GALNTL6: variants seen among roughly 807,000 people sequenced by gnomAD.
The protein encoded by GALNTL6 is polypeptide N-acetylgalactosaminyltransferase-like 6.
In GALNTL6, 46 loss-of-function variants were observed where a neutral mutation model predicts 73.7. The observed-to-expected ratio is 0.62, with a 90% CI of 0.49 to 0.80. The LOEUF (loss-of-function observed/expected upper bound fraction) is 0.80. GALNTL6 is among the 30% of genes least tolerant of loss of function. The pLI is 0.00. For missense variants in GALNTL6, 604 were observed against 755.0 expected (o/e 0.80, Z 2.34); for synonymous variants, 259 against 263.7 (o/e 0.98, Z 0.17).
Position 172,813,531 on chromosome 4 carries a change from A to T in GALNTL6, c.740-9A>T. The T allele has an allele frequency of 6.3e-7, 1 of 1,585,498 alleles. No homozygotes were observed. Among genetic ancestry groups the T allele is most frequent in the Non-Finnish European group, 8.6e-7 (1 of 1,158,212 alleles). ...ATGTCATTTCCTATTTTGTGCTTTCATTTTTCAGACCAAATTGCACTAAAC... is the reference window on the plus strand; with the variant it reads ...ATGTCATTTCCTATTTTGTGCTTTCTTTTTTCAGACCAAATTGCACTAAAC... On this transcript the variant is annotated splice_polypyrimidine_tract_variant and intron_variant, in intron 6 of 12. Transcript: ENST00000506823.
chr4:172,733,002 T>C (rs1250556051), intron 5 of GALNTL6, among the ~76,000 whole-genome samples: 2 of 152,236 alleles, frequency 1.3e-5, no homozygotes, highest in Admixed American at 1.3e-4. Context: ...ACACCACAAA[T>C]GCATACTCTG....
At chr4:172,607,442 G>T (rs1212841043) in intron 5 of GALNTL6, among the ~76,000 whole-genome samples, 1 of 152,144 alleles carries the variant, frequency 6.6e-6, no homozygotes, top group East Asian at 1.9e-4. Flanking sequence ...ATGGCCCCCA[G>T]CTGCATCCAG....
rs189044985 is a variant in GALNTL6, at chr4:172,670,599, T to C, written c.554-138762T>C. Among the ~76,000 whole-genome samples the C allele has an allele frequency of 1.9e-3, 291 of 152,252 alleles. 2 individuals are homozygous for C. The highest frequency in any genetic ancestry group is 6.7e-3 in the African/African-American group (278 of 41,544). On this transcript the variant is annotated intron_variant, in intron 5 of 12. Coordinates refer to ENST00000506823, the MANE Select transcript of GALNTL6 (RefSeq NM_001034845.3). The stretch of plus-strand genomic sequence containing the variant: ...CAAAAATTTTCTGCCATTCCATAGG[T>C]TGTCTGTTCACTTTGCTGATAGTTT...
At chr4:171,938,141 A>C (rs1738410302) in intron 2 of GALNTL6, among the ~76,000 whole-genome samples, 1 of 151,960 alleles carries the variant, frequency 6.6e-6, no homozygotes, top group African/African-American at 2.4e-5. Flanking sequence ...ATTTCTTTTC[A>C]ATAACTTGTA....
At chr4:172,843,875 A>G (rs963793643) in intron 7 of GALNTL6, among the ~76,000 whole-genome samples, 1 of 152,132 alleles carries the variant, frequency 6.6e-6, no homozygotes, top group African/African-American at 2.4e-5. Context: ...CCTGGGCACC[A>G]TAGTGAGACC....
intron 2 of GALNTL6, among the ~76,000 whole-genome samples, chr4:171,977,647 G>A (rs916194839): frequency 6.6e-6 from 1 of 152,082 alleles, no homozygotes; most frequent in South Asian, 2.1e-4. Context: ...GATGTACTGG[G>A]GATTAGGATT....
At chr4:172,779,708 T>C (rs1282346480) in intron 5 of GALNTL6, among the ~76,000 whole-genome samples, 1 of 152,242 alleles carries the variant, frequency 6.6e-6, no homozygotes, top group South Asian at 2.1e-4. Context: ...TGAAAGCCCA[T>C]CTGTAAAAAG....
intron 5 of GALNTL6, among the ~76,000 whole-genome samples, chr4:172,728,267 A>G (rs1735943065): frequency 6.6e-6 from 1 of 151,992 alleles, no homozygotes; most frequent in South Asian, 2.1e-4. Flanking sequence ...CTTTTCTCTT[A>G]TATTACTCCA....
chr4:172,063,790 C>G (rs1731279548), intron 2 of GALNTL6, among the ~76,000 whole-genome samples: 1 of 152,072 alleles, frequency 6.6e-6, no homozygotes, highest in Admixed American at 6.5e-5. Context: ...CTTATTTGGA[C>G]TCTCCCCAAT....
chr4:172,324,565 A>AAGGG (rs1310078864), intron 4 of GALNTL6, among the ~76,000 whole-genome samples: 1 of 151,390 alleles, frequency 6.6e-6, no homozygotes, highest in Non-Finnish European at 1.5e-5. Flanking sequence ...CAAAATCACC[A>AAGGG]ATAAACAGGC....
At chr4:172,159,496 A>T (rs578067766) in intron 2 of GALNTL6, among the ~76,000 whole-genome samples, 1 of 152,308 alleles carries the variant, frequency 6.6e-6, no homozygotes, top group East Asian at 1.9e-4. Flanking sequence ...TTCTCTGAGG[A>T]TGTGATGCTT....
chr4:172,715,972 G>T (rs1209878775), intron 5 of GALNTL6, among the ~76,000 whole-genome samples: 1 of 152,152 alleles, frequency 6.6e-6, no homozygotes, highest in Non-Finnish European at 1.5e-5. Context: ...TTTATCTATA[G>T]ACTGGCGTTC....
At chr4:172,087,144 C>T (rs2172193) in intron 2 of GALNTL6, among the ~76,000 whole-genome samples, 148,692 of 152,266 alleles carry the variant, frequency 0.98, 72,685 homozygotes, top group East Asian at 1. Flanking sequence ...CTGTGATACT[C>T]ATACAACATA....
chr4:172,355,229 C>G, intron 5 of GALNTL6, among the ~76,000 whole-genome samples: 1 of 152,018 alleles, frequency 6.6e-6, no homozygotes, highest in Admixed American at 6.6e-5. Context: ...AAATTATTTT[C>G]AGTTTAATTA....
intron 2 of GALNTL6, among the ~76,000 whole-genome samples, chr4:172,085,552 T>C (rs980777207): frequency 2.6e-5 from 4 of 151,926 alleles, no homozygotes; most frequent in Admixed American, 6.6e-5. Context: ...CATATGAAAA[T>C]GAAAGAACAT....
At chr4:172,128,649 GT>G (rs1410717031) in intron 2 of GALNTL6, among the ~76,000 whole-genome samples, 1 of 152,144 alleles carries the variant, frequency 6.6e-6, no homozygotes, top group Non-Finnish European at 1.5e-5. Flanking sequence ...TTTTTAATGA[GT>G]TTCAGTGTTA....
At chr4:172,177,801 A>G (rs545708888) in intron 2 of GALNTL6, among the ~76,000 whole-genome samples, 1 of 133,708 alleles carries the variant, frequency 7.5e-6, no homozygotes, top group Non-Finnish European at 1.5e-5. Flanking sequence ...ATATATATAC[A>G]CACACATATA....
intron 5 of GALNTL6, among the ~76,000 whole-genome samples, chr4:172,649,253 G>C (rs910602396): frequency 2.0e-5 from 3 of 152,112 alleles, no homozygotes; most frequent in Non-Finnish European, 4.4e-5. Context: ...TGCTAGTTTA[G>C]AATGCTCAGA....
intron 2 of GALNTL6, among the ~76,000 whole-genome samples, chr4:172,048,569 C>A (rs1226522076): frequency 6.6e-6 from 1 of 152,006 alleles, no homozygotes; most frequent in African/African-American, 2.4e-5. Flanking sequence ...TGGACCATTT[C>A]CCATGAACTT....
Sources: gnomAD v4.1 joint callset for allele counts (sites outside exome capture counted in the v4.1 genomes callset) on GRCh38, gnomAD v4.1.1 for gene constraint, MANE v1.5 for transcripts, NCBI Gene and HGNC (gene_info 2026-07-23, HGNC 2026-07-21) for gene names.